The following TTLL7 variants were observed in gnomAD, a reference collection of about 807,000 sequenced individuals.
TTLL7 encodes tubulin tyrosine ligase like 7, also known as tubulin polyglutamylase TTLL7.
TTLL7 carries 53 observed loss-of-function variants against 120.2 expected under a neutral mutation model. The ratio of observed to expected loss-of-function variants is 0.44; its 90% CI spans 0.35 to 0.55. TTLL7 has a LOEUF of 0.55. TTLL7 is among the 20% of genes least tolerant of loss of function. The pLI is 0.00. For missense variants in TTLL7, 803 were observed against 1,054.7 expected (o/e 0.76, Z 3.31); for synonymous variants, 353 against 351.7 (o/e 1.00, Z -0.04).
intron 8 of TTLL7, 51 bp from the exon 9 acceptor site, chr1:83,933,817 A>G (rs925194472): frequency 3.2e-6 from 5 of 1,548,686 alleles, no homozygotes; most frequent in Non-Finnish European, 3.5e-6. Flanking sequence ...CTCATTTCAT[A>G]TGTGCAAATA....
At position 83,866,113 on chromosome 1, in the gene TTLL7, C is replaced by T. The variant is rs972258973; in HGVS notation, c.*3849G>A. The T allele has an allele frequency of 2.6e-5, 4 of 151,782 alleles. No homozygotes were observed. The highest frequency in any genetic ancestry group is 9.7e-5 in the African/African-American group (4 of 41,396). 9.4% of individuals were successfully genotyped at this position (151,782 alleles called of 1,614,324 possible). ...CCCTATGACCATGTAAACTAAGACT[C>T]AAAGTTTAAATTAGCATTACAGAAC... On this transcript the variant is annotated 3_prime_UTR_variant, in exon 21 of 21. Coordinates refer to ENST00000260505, the MANE Select transcript of TTLL7 (RefSeq NM_024686.6).
chr1:83,953,309 T>C (rs149282294), intron 1 of TTLL7, among the ~76,000 whole-genome samples: 415 of 152,284 alleles, frequency 2.7e-3, no homozygotes, highest in African/African-American at 9.5e-3. Flanking sequence ...AATCCTTCAG[T>C]TCTTGTAAAA....
chr1:83,974,148 T>C (rs767932706), intron 1 of TTLL7, among the ~76,000 whole-genome samples: 5 of 152,006 alleles, frequency 3.3e-5, no homozygotes, highest in Non-Finnish European at 7.4e-5. Flanking sequence ...TAAACAGGCA[T>C]TTCACCTAAA....
At chr1:83,952,871 T>C (rs1395416167) in intron 1 of TTLL7, among the ~76,000 whole-genome samples, 1 of 151,940 alleles carries the variant, frequency 6.6e-6, no homozygotes, top group Non-Finnish European at 1.5e-5. Flanking sequence ...AATGCCAGAG[T>C]GTCTTATTTA....
At chr1:83,883,527 AC>A (rs1193454127) in intron 19 of TTLL7, among the ~76,000 whole-genome samples, 1 of 151,958 alleles carries the variant, frequency 6.6e-6, no homozygotes, top group Non-Finnish European at 1.5e-5. Flanking sequence ...AGTAGCTGGG[AC>A]TACAGGCATG....
intron 1 of TTLL7, among the ~76,000 whole-genome samples, chr1:83,992,030 G>C (rs1039860525): frequency 3.3e-5 from 5 of 152,056 alleles, no homozygotes; most frequent in African/African-American, 7.2e-5. Context: ...ATGAAAATAG[G>C]TCTTGATGCA....
chr1:83,988,154 C>A (rs1010457526), intron 1 of TTLL7, among the ~76,000 whole-genome samples: 2 of 152,138 alleles, frequency 1.3e-5, no homozygotes, highest in African/African-American at 2.4e-5. Flanking sequence ...CCTGTTCCTG[C>A]GTTAATTTGC....
At chr1:83,982,696 G>A (rs923865195) in intron 1 of TTLL7, among the ~76,000 whole-genome samples, 5 of 152,182 alleles carry the variant, frequency 3.3e-5, no homozygotes, top group Admixed American at 2.6e-4. Flanking sequence ...TGGATTGAAA[G>A]AATCAGAATC....
At chr1:83,920,652 G>A (rs763487722) in intron 12 of TTLL7, 1 of 164,494 alleles carries the variant, frequency 6.1e-6, no homozygotes, top group Non-Finnish European at 1.3e-5. Flanking sequence ...TGTCAAGGGT[G>A]ATATTGTGGA....
intron 1 of TTLL7, among the ~76,000 whole-genome samples, chr1:83,992,791 CTTTTTTTTT>C (rs367737528): frequency 2.0e-5 from 2 of 101,546 alleles, no homozygotes; most frequent in African/African-American, 7.3e-5. Flanking sequence ...TATTCAAGTT[CTTTTTTTTT>C]TTTTTTTTTT....
At chr1:83,877,667 A>C (rs1417230902) in intron 20 of TTLL7, among the ~76,000 whole-genome samples, 1 of 151,962 alleles carries the variant, frequency 6.6e-6, no homozygotes, top group Admixed American at 6.6e-5. Flanking sequence ...TATTTGTAGA[A>C]TCTGTAGTAA....
chr1:83,982,883 C>T (rs1652097692), intron 1 of TTLL7, among the ~76,000 whole-genome samples: 1 of 152,178 alleles, frequency 6.6e-6, no homozygotes, highest in Admixed American at 6.5e-5. Context: ...GGAGGCATCA[C>T]ATTACCAGAC....
intron 6 of TTLL7, among the ~76,000 whole-genome samples, chr1:83,945,480 T>C (rs1020705754): frequency 3.3e-5 from 5 of 152,184 alleles, no homozygotes; most frequent in East Asian, 1.9e-4. Context: ...ACTGGTAGAA[T>C]TGAAGGGAGA....
intron 10 of TTLL7, among the ~76,000 whole-genome samples, chr1:83,923,329 G>A (rs922673085): frequency 9.1e-4 from 136 of 149,370 alleles, no homozygotes; most frequent in African/African-American, 3.2e-3. Flanking sequence ...ATGAAAAGAG[G>A]AATAGAGAGG....
Position 83,909,106 on chromosome 1 carries a change from C to A in TTLL7, c.1787-1445G>T, listed in dbSNP as rs116239586. Among the ~76,000 whole-genome samples, 285 of 150,950 alleles carry A rather than the reference C, an allele frequency of 1.9e-3. 2 individuals are homozygous for A. The highest frequency in any genetic ancestry group is 6.6e-3 in the African/African-American group (271 of 41,188). On this transcript the variant is annotated intron_variant, in intron 15 of 20. Transcript: ENST00000260505. ...GCACATATTTAATGTGCGCCGAGAG[C>A]AAACTTATACTAAGAAAATACCCAA...
intron 19 of TTLL7, among the ~76,000 whole-genome samples, chr1:83,889,283 C>T (rs910335742): frequency 2.4e-4 from 37 of 152,164 alleles, no homozygotes; most frequent in African/African-American, 8.7e-4. Flanking sequence ...TGGGGGTAAC[C>T]ATCCCCATGA....
chr1:83,894,472 G>A (rs552494983), intron 18 of TTLL7, among the ~76,000 whole-genome samples: 16 of 152,112 alleles, frequency 1.1e-4, no homozygotes, highest in Admixed American at 2.0e-4. Flanking sequence ...TGTATCATCC[G>A]CCTGCTCTAT....
chr1:83,968,225 T>C (rs1449500740), intron 1 of TTLL7, among the ~76,000 whole-genome samples: 1 of 152,030 alleles, frequency 6.6e-6, no homozygotes, highest in Non-Finnish European at 1.5e-5. Flanking sequence ...GTTGTTGTGA[T>C]ACTGGGCCAT....
intron 5 of TTLL7, chr1:83,947,749 C>CA: frequency 6.6e-6 from 1 of 152,276 alleles, no homozygotes; most frequent in East Asian, 1.9e-4. Flanking sequence ...ATTATTCAGG[C>CA]AAATACTATT....
Sources: gnomAD v4.1 joint callset for allele counts (sites outside exome capture counted in the v4.1 genomes callset) on GRCh38, gnomAD v4.1.1 for gene constraint, MANE v1.5 for transcripts, NCBI Gene and HGNC (gene_info 2026-07-23, HGNC 2026-07-21) for gene names.